The following ZNF787 variants were observed in gnomAD, a reference collection of about 807,000 sequenced individuals.
ZNF787 encodes the protein TTF-I-interacting peptide 20.
Under a neutral mutation model 16.9 loss-of-function variants are expected in ZNF787, and 7 were observed. The observed-to-expected ratio is 0.42, with a 90% CI of 0.24 to 0.78. ZNF787 has a LOEUF of 0.78. Ranked by LOEUF, ZNF787 falls within the 30% of genes least tolerant of loss-of-function variation. The pLI, the probability that ZNF787 is intolerant of heterozygous loss-of-function variation, is 0.30. For synonymous variants in ZNF787, 345 were observed against 270.9 expected (o/e 1.27, Z -2.69); for missense variants, 551 against 589.3 (o/e 0.94, Z 0.67).
chr19:56,104,545 G>C (rs1986228584), intron 1 of ZNF787, among the ~76,000 whole-genome samples: 1 of 151,312 alleles, frequency 6.6e-6, no homozygotes, highest in Admixed American at 6.6e-5. Flanking sequence ...TCCGTGCCAC[G>C]CACCAGGAAG....
rs1985432776 is a variant in ZNF787, at chr19:56,088,427, G to C, written c.745C>G (p.Pro249Ala). Residue 249 changes from proline (P) to alanine (A), a missense_variant, in exon 3 of 3, where the codon CCG (proline) becomes GCG (alanine). Pro to Ala is a conservative substitution (Grantham distance 27). Around this residue, in one of 4 missense-constraint regions of ZNF787, gnomAD observed 392 missense variants for 312.7 expected, o/e 1.25. Transcript: ENST00000610935. This position sits in a 1 kb window ranked among gnomAD's most constrained non-coding sequence, Gnocchi z 8.6. ...GCCGCGGCCGCGGCCCCCTCGCCCG[G>C]CGCGCCCACCACGATGATGCCCTCG... ...DGEGIIVVGA[P>A]GEGAAAAAAM... is the part of the protein sequence containing the mutation. 4 of 1,185,280 alleles carry C rather than the reference G, an allele frequency of 3.4e-6. No homozygotes were observed. The highest frequency in any genetic ancestry group is 1.6e-5 in the African/African-American group (1 of 61,038). The allele number at this position is 1,185,280 out of a possible 1,614,324, so 73.4% of individuals were successfully genotyped here. A position where few individuals can be genotyped will look rare whatever the true frequency, so the allele number is the denominator to read the frequency against.
intron 1 of ZNF787, among the ~76,000 whole-genome samples, chr19:56,106,483 C>T (rs1298937045): frequency 6.6e-6 from 1 of 152,266 alleles, no homozygotes; most frequent in Non-Finnish European, 1.5e-5. Context: ...GCCCGCGAGT[C>T]TTCAATTCTG....
At position 56,089,106 on chromosome 19, in the gene ZNF787, G is replaced by C. The variant is rs963900021; in HGVS notation, c.80-14C>G. The stretch of plus-strand genomic sequence containing the variant: ...TGAGGATGTCCACTGGAAAGCAAGA[G>C]GGTAGGGGGAGGTGAGTCAAGAGAG... On this transcript the variant is annotated splice_polypyrimidine_tract_variant and intron_variant, in intron 2 of 2. Transcript: ENST00000610935. The C allele has an allele frequency of 7.5e-5, 109 of 1,447,762 alleles. No individual in the cohort carries two copies. Among genetic ancestry groups the C allele is most frequent in the Non-Finnish European group, 9.6e-5 (106 of 1,103,100 alleles). The allele number at this position is 1,447,762 out of a possible 1,614,324, so 89.7% of individuals were successfully genotyped here. A position where few individuals can be genotyped will look rare whatever the true frequency, so the allele number is the denominator to read the frequency against.
At chr19:56,116,442 A>AAATT (rs2030141163) in intron 1 of ZNF787, among the ~76,000 whole-genome samples, 1 of 151,986 alleles carries the variant, frequency 6.6e-6, no homozygotes, top group African/African-American at 2.4e-5. Context: ...ATTCTGTCTC[A>AAATT]AAATAAATAA....
At chr19:56,110,090 G>T (rs1012541414) in intron 1 of ZNF787, among the ~76,000 whole-genome samples, 3 of 152,106 alleles carry the variant, frequency 2.0e-5, no homozygotes, top group African/African-American at 4.8e-5. Context: ...GGCCGGGCAC[G>T]GTGGCTCACG....
chr19:56,093,525 G>A (rs368070155), intron 2 of ZNF787, among the ~76,000 whole-genome samples: 83 of 152,234 alleles, frequency 5.5e-4, no homozygotes, highest in African/African-American at 1.8e-3. Context: ...GGTCTTGGCC[G>A]ACTGAGACAT....
intron 2 of ZNF787, among the ~76,000 whole-genome samples, chr19:56,089,344 A>G (rs1043084593): frequency 2.0e-5 from 3 of 152,244 alleles, no homozygotes; most frequent in African/African-American, 7.2e-5. Flanking sequence ...CAGACACAGA[A>G]GGCCTGGTCT....
At chr19:56,109,705 G>A (rs907587840) in intron 1 of ZNF787, among the ~76,000 whole-genome samples, 1 of 152,098 alleles carries the variant, frequency 6.6e-6, no homozygotes. Flanking sequence ...CTAACACAGT[G>A]AAACCCCATC....
intron 2 of ZNF787, among the ~76,000 whole-genome samples, chr19:56,097,586 G>C (rs551869547): frequency 1.8e-4 from 28 of 152,244 alleles, no homozygotes; most frequent in Non-Finnish European, 3.7e-4. Flanking sequence ...GGAAACACCC[G>C]CACGTGCTGC....
intron 2 of ZNF787, among the ~76,000 whole-genome samples, chr19:56,092,052 C>G (rs541934935): frequency 7.8e-4 from 108 of 138,370 alleles, no homozygotes; most frequent in African/African-American, 3.2e-3. Context: ...CGAAGCCTCA[C>G]CCTCACCCTC....
Position 56,087,826 on chromosome 19 carries a change from G to A in ZNF787, c.*197C>T, listed in dbSNP as rs549787537. 20 of 863,224 alleles carry A rather than the reference G, an allele frequency of 2.3e-5. No homozygotes were observed. The South Asian group carries it at 5.3e-4, about 23-fold the overall frequency. The allele number at this position is 863,224 out of a possible 1,614,324, so 53.5% of individuals were successfully genotyped here. On this transcript the variant is annotated 3_prime_UTR_variant, in exon 3 of 3. Coordinates refer to ENST00000610935, the MANE Select transcript of ZNF787 (RefSeq NM_001002836.4). ...CCAGGCTGAGGGGGCAGAGTCTCGA[G>A]GCGGAGAAGTGAACGGGCCCTAATA...
intron 1 of ZNF787, among the ~76,000 whole-genome samples, chr19:56,118,969 G>A (rs1464530188): frequency 6.6e-6 from 1 of 152,064 alleles, no homozygotes; most frequent in Non-Finnish European, 1.5e-5. Flanking sequence ...TATCTTTCAA[G>A]ACACAATACC....
At chr19:56,098,938 T>C (rs993154700) in intron 2 of ZNF787, among the ~76,000 whole-genome samples, 16 of 152,006 alleles carry the variant, frequency 1.1e-4, no homozygotes, top group African/African-American at 3.9e-4. Flanking sequence ...AGCAGGACAC[T>C]GCCGGAGCTT....
At position 56,087,661 on chromosome 19, in the gene ZNF787, A is replaced by AGCACCCC. The variant is rs1985323970; in HGVS notation, c.*355_*361dup. Reference sequence around the variant, plus strand: ...AGGGCCTGGTTTCTCCATTCCTCGCAGCACCCCCCACCCCCGCCCCGGACA... The same window carrying AGCACCCC: ...AGGGCCTGGTTTCTCCATTCCTCGCAGCACCCCGCACCCCCCACCCCCGCCCCGGACA... On this transcript the variant is annotated 3_prime_UTR_variant, in exon 3 of 3. Transcript: ENST00000610935. The AGCACCCC allele has an allele frequency of 5.5e-6, 1 of 182,828 alleles. No homozygotes were observed. The highest frequency in any genetic ancestry group is 6.2e-5 in the Admixed American group (1 of 16,090). The allele number at this position is 182,828 out of a possible 1,614,324, so 11.3% of individuals were successfully genotyped here.
At chr19:56,101,821 C>A (rs755940270) in intron 2 of ZNF787, 1 of 152,200 alleles carries the variant, frequency 6.6e-6, no homozygotes, top group South Asian at 2.1e-4. Context: ...GAGATTTCCA[C>A]AGAATTAATT....
Position 56,087,842 on chromosome 19 carries a change from G to C in ZNF787, c.*181C>G, listed in dbSNP as rs1985351302. On this transcript the variant is annotated 3_prime_UTR_variant, in exon 3 of 3. Transcript: ENST00000610935. ...GAGTCTCGAGGCGGAGAAGTGAACG[G>C]GCCCTAATACGCCCCAGTGCCCCCC... 1.0e-6 allele frequency: 1 copy of C among 1,000,756 alleles called. No homozygotes were observed. The allele number at this position is 1,000,756 out of a possible 1,614,324, so 62.0% of individuals were successfully genotyped here. A position where few individuals can be genotyped will look rare whatever the true frequency, so the allele number is the denominator to read the frequency against.
Position 56,089,232 on chromosome 19 carries a change from C to T in ZNF787, c.80-140G>A, listed in dbSNP as rs1044199893. On this transcript the variant is annotated intron_variant, in intron 2 of 2. Transcript: ENST00000610935. The stretch of plus-strand genomic sequence containing the variant: ...GGTGTCCTCAGAGTGTGCATCACTC[C>T]CTGCATTTTACTAAGTATTTATTAC... The T allele has an allele frequency of 2.9e-5, 15 of 517,276 alleles. 1 individual carries two copies. The Admixed American group carries it at 3.9e-4, about 13-fold the overall frequency. 32.0% of individuals were successfully genotyped at this position (517,276 alleles called of 1,614,324 possible).
chr19:56,093,382 G>C (rs1293031268), intron 2 of ZNF787, among the ~76,000 whole-genome samples: 1 of 152,108 alleles, frequency 6.6e-6, no homozygotes, highest in Non-Finnish European at 1.5e-5. Context: ...CAACCCTCTT[G>C]CTGGGTGCAC....
At chr19:56,103,413 G>C in intron 1 of ZNF787, 186 bp from the exon 2 acceptor site, 1 of 497,844 alleles carries the variant, frequency 2.0e-6, no homozygotes, top group South Asian at 3.9e-5. Context: ...CCCCACTGCA[G>C]GGGCCAGCCA....
Sources: gnomAD v4.1 joint callset for allele counts (sites outside exome capture counted in the v4.1 genomes callset) on GRCh38, gnomAD v4.1.1 for gene constraint, gnomAD v4.1.1 regional missense constraint, Gnocchi (gnomAD v3.1) non-coding constraint, MANE v1.5 for transcripts, NCBI Gene and HGNC (gene_info 2026-07-23, HGNC 2026-07-21) for gene names.